Variants in GARIN1B observed in about 807,000 individuals in gnomAD.
GARIN1B encodes the protein Golgi-associated RAB2 interactor protein 1B.
the GARIN1B span, among the ~76,000 whole-genome samples, chr7:128,720,795 G>C: frequency 2.6e-5 from 4 of 152,074 alleles, no homozygotes; most frequent in Admixed American, 1.3e-4. Flanking sequence ...ATTTATTTCT[G>C]AATTATCAGT....
chr7:128,714,088 G>A, the GARIN1B span: 5 of 1,535,812 alleles, frequency 3.3e-6, no homozygotes, highest in East Asian at 2.4e-5. Flanking sequence ...CTGGAGCAGG[G>A]GTGTGATCTG....
At chr7:128,729,425 C>T in the GARIN1B span, among the ~76,000 whole-genome samples, 9,552 of 152,260 alleles carry the variant, frequency 0.063, 414 homozygotes, top group Middle Eastern at 0.13. Flanking sequence ...ATTGAGACTG[C>T]GATTCTAACA....
At chr7:128,713,491 G>A in the GARIN1B span, among the ~76,000 whole-genome samples, 1 of 152,110 alleles carries the variant, frequency 6.6e-6, no homozygotes, top group African/African-American at 2.4e-5. Flanking sequence ...TCTCGTGCAG[G>A]CTTGAGTGCA....
the GARIN1B span, chr7:128,719,083 G>A: frequency 6.2e-7 from 1 of 1,612,914 alleles, no homozygotes; most frequent in Non-Finnish European, 8.5e-7. Context: ...GAGATTCGAA[G>A]GTAAGTGAGC....
the GARIN1B span, chr7:128,729,950 G>A: frequency 2.4e-5 from 39 of 1,614,028 alleles, no homozygotes; most frequent in Non-Finnish European, 3.0e-5. Context: ...TGTGACCTAC[G>A]TTGGAGGGCT....
the GARIN1B span, chr7:128,723,259 G>T: frequency 6.2e-7 from 1 of 1,613,060 alleles, no homozygotes; most frequent in South Asian, 1.1e-5. Flanking sequence ...TAATGACCAA[G>T]GGGGAGAGTG....
At chr7:128,710,695 T>C in the GARIN1B span, among the ~76,000 whole-genome samples, 1 of 151,992 alleles carries the variant, frequency 6.6e-6, no homozygotes, top group African/African-American at 2.4e-5. Context: ...TTTTCCTTTT[T>C]TTTTTTGAGA....
chr7:128,721,296 C>T, the GARIN1B span, among the ~76,000 whole-genome samples: 2 of 152,090 alleles, frequency 1.3e-5, no homozygotes, highest in African/African-American at 4.8e-5. Context: ...TTTTAGTAGA[C>T]AAATTCTGCA....
chr7:128,726,945 C>T, the GARIN1B span: 1 of 1,380,018 alleles, frequency 7.2e-7, no homozygotes. Context: ...CCCCTCCAGC[C>T]CCCATCCTGG....
chr7:128,729,976 G>A, the GARIN1B span: 1 of 1,614,192 alleles, frequency 6.2e-7, no homozygotes, highest in East Asian at 2.2e-5. Context: ...CACGTACGGA[G>A]AGTGGGAAAG....
chr7:128,726,757 C>T, the GARIN1B span: 2 of 1,558,942 alleles, frequency 1.3e-6, no homozygotes, highest in Admixed American at 1.7e-5. Context: ...GGAACAAGAT[C>T]TGAAATACAA....
the GARIN1B span, chr7:128,715,128 C>G: frequency 2.8e-6 from 1 of 358,788 alleles, no homozygotes; most frequent in Non-Finnish European, 3.9e-6. Flanking sequence ...GAAGGATCTT[C>G]CTGACAGCCC....
chr7:128,723,957 A>G, the GARIN1B span, among the ~76,000 whole-genome samples: 1 of 152,218 alleles, frequency 6.6e-6, no homozygotes, highest in African/African-American at 2.4e-5. Context: ...AACAATGAGG[A>G]TAAGTTAGGT....
At chr7:128,725,088 A>G in the GARIN1B span, 6 of 241,590 alleles carry the variant, frequency 2.5e-5, no homozygotes, top group East Asian at 4.9e-4. Flanking sequence ...TAAGCTCTCA[A>G]TAAGTATTAA....
chr7:128,710,569 A>C, the GARIN1B span, among the ~76,000 whole-genome samples: 1 of 152,086 alleles, frequency 6.6e-6, no homozygotes. Context: ...TCATATTCTC[A>C]AGCCTGTCAT....
At chr7:128,712,176 A>G in the GARIN1B span, among the ~76,000 whole-genome samples, 3 of 152,276 alleles carry the variant, frequency 2.0e-5, no homozygotes, top group Non-Finnish European at 4.4e-5. Flanking sequence ...CACAAAGATA[A>G]TAAAACTTAA....
At chr7:128,715,246 C>T in the GARIN1B span, 1 of 1,419,152 alleles carries the variant, frequency 7.0e-7, no homozygotes, top group Non-Finnish European at 9.2e-7. Context: ...GGATAAGGCA[C>T]ACAAGCTCTC....
the GARIN1B span, chr7:128,715,639 A>T: frequency 1.2e-6 from 2 of 1,614,202 alleles, no homozygotes. Context: ...TTCATTCTCC[A>T]GAATTCAACC....
At chr7:128,718,292 C>T in the GARIN1B span, among the ~76,000 whole-genome samples, 1 of 151,974 alleles carries the variant, frequency 6.6e-6, no homozygotes, top group African/African-American at 2.4e-5. Context: ...ATTAGACGGG[C>T]CTGGTGGCAC....
Sources: gnomAD v4.1 joint callset for allele counts (sites outside exome capture counted in the v4.1 genomes callset) on GRCh38, gnomAD v4.1.1 for gene constraint, MANE v1.5 for transcripts, NCBI Gene and HGNC (gene_info 2026-07-23, HGNC 2026-07-21) for gene names.